Variants in THOC1 observed in about 807,000 individuals in gnomAD.
THOC1 encodes THO complex subunit 1.
THOC1 carries 29 observed loss-of-function variants against 97.3 expected under a neutral mutation model. That is an observed-to-expected ratio of 0.30 (90% CI 0.22 to 0.41). The LOEUF (loss-of-function observed/expected upper bound fraction) is 0.41. Ranked by LOEUF, THOC1 falls within the 10% of genes least tolerant of loss-of-function variation. The pLI, the probability that THOC1 is intolerant of heterozygous loss-of-function variation, is 1.00. For synonymous variants in THOC1, 255 were observed against 257.0 expected, an observed-to-expected ratio of 0.99 and a Z score of 0.07; for missense variants, 529 against 761.9, an observed-to-expected ratio of 0.69 and a Z score of 3.60.
chr18:259,364 A>T (rs1167095304), intron 6 of THOC1, 89 bp from the exon 7 acceptor site: 1 of 1,113,876 alleles, frequency 9.0e-7, no homozygotes, highest in Non-Finnish European at 1.3e-6. Context: ...CCAGTGTGTC[A>T]AGAGTATTTT....
intron 4 of THOC1, among the ~76,000 whole-genome samples, chr18:262,414 T>C (rs957439884): frequency 1.3e-5 from 2 of 152,230 alleles, no homozygotes; most frequent in Non-Finnish European, 2.9e-5. Flanking sequence ...TAACCAATTA[T>C]AGTCTGTCTC....
chr18:216,386 GT>G (rs1455882104), intron 19 of THOC1, 99 bp downstream of exon 19: 2 of 1,326,474 alleles, frequency 1.5e-6, no homozygotes, highest in African/African-American at 2.9e-5. Flanking sequence ...TGGATCACTG[GT>G]TTTTCACATG....
intron 11 of THOC1, among the ~76,000 whole-genome samples, chr18:235,526 A>T (rs963612522): frequency 6.6e-6 from 1 of 152,110 alleles, no homozygotes; most frequent in South Asian, 2.1e-4. Context: ...CTGACATGTA[A>T]TTCTTCCTAT....
Position 252,611 on chromosome 18 carries a change from T to C in THOC1, c.605A>G (p.His202Arg), listed in dbSNP as rs1475519476. 2 of 1,605,038 alleles carry C rather than the reference T, an allele frequency of 1.2e-6. No individual in the cohort carries two copies. The highest frequency in any genetic ancestry group is 2.7e-5 in the African/African-American group (2 of 74,194). The change falls in exon 9 of 21, where the codon CAC becomes CGC. Residue 202 changes from histidine (H) to arginine (R), a missense_variant and splice_region_variant. His to Arg is a conservative substitution (Grantham distance 29). This residue lies in a region of THOC1 where 92 missense variants were observed against 127.0 expected (regional missense o/e 0.72). Transcript: ENST00000261600. Reference protein sequence around the residue: ...NEQESTLGQKHTEDREEGMDV... With the variant: ...NEQESTLGQKRTEDREEGMDV... ...CATTCCTTCTTCTCTATCTTCAGTGTGCTAAATTGAAAAAAAAATGTATAG... is the reference window on the plus strand; with the variant it reads ...CATTCCTTCTTCTCTATCTTCAGTGCGCTAAATTGAAAAAAAAATGTATAG...
intron 11 of THOC1, among the ~76,000 whole-genome samples, chr18:241,750 T>C (rs1483024386): frequency 5.3e-5 from 8 of 152,218 alleles, no homozygotes; most frequent in Admixed American, 4.6e-4. Context: ...CATTTTGAAA[T>C]GTTGTTCTGC....
Position 266,177 on chromosome 18 carries a change from T to C in THOC1, c.55-647A>G, listed in dbSNP as rs189379949. On this transcript the variant is annotated intron_variant, in intron 1 of 20. Transcript: ENST00000261600. The stretch of plus-strand genomic sequence containing the variant: ...AATCATAACTTAAAGACAAAAATAT[T>C]GCAAAAGGCATTCATTCTATGAACA... Among the ~76,000 whole-genome samples the C allele has an allele frequency of 2.5e-3, 378 of 152,332 alleles. 4 individuals are homozygous for C. Among genetic ancestry groups the C allele is most frequent in the African/African-American group, 8.3e-3 (345 of 41,570 alleles).
chr18:265,711 ATCAC>A, intron 1 of THOC1, among the ~76,000 whole-genome samples, 181 bp from the exon 2 acceptor site: 1 of 152,202 alleles, frequency 6.6e-6, no homozygotes, highest in East Asian at 1.9e-4. Flanking sequence ...ACGGATCCTC[ATCAC>A]TTTAAATCTG....
chr18:224,798 A>G (rs1231159522), intron 15 of THOC1, 126 bp downstream of exon 15: 8 of 785,310 alleles, frequency 1.0e-5, no homozygotes, highest in Non-Finnish European at 1.6e-5. Flanking sequence ...TTCAACTTAC[A>G]TTTTTTATGT....
chr18:216,397 G>C, intron 19 of THOC1, 89 bp downstream of exon 19: 1 of 1,420,976 alleles, frequency 7.0e-7, no homozygotes, highest in Non-Finnish European at 9.6e-7. Context: ...TTTTTCACAT[G>C]ATTAAGTCAG....
chr18:215,048 T>G (rs2143126558), intron 20 of THOC1, 127 bp from the exon 21 acceptor site: 1 of 838,126 alleles, frequency 1.2e-6, no homozygotes, highest in East Asian at 2.6e-5. Flanking sequence ...ACAATTATTT[T>G]TTATATTCTC....
At position 233,547 on chromosome 18, in the gene THOC1, C is replaced by T. The variant is rs144018949; in HGVS notation, c.919-6646G>A. On this transcript the variant is annotated intron_variant, in intron 11 of 20. Transcript: ENST00000261600. ...GCTGCGATGAGCCAAGATCGCGCCA[C>T]TGCACTCGCCTGGGCAACAAGAGTG... Among the ~76,000 whole-genome samples the T allele has an allele frequency of 3.6e-3, 543 of 152,346 alleles. 1 individual carries two copies. The highest frequency in any genetic ancestry group is 0.012 in the African/African-American group (506 of 41,578).
Position 224,992 on chromosome 18 carries a change from A to G in THOC1, c.1140T>C (p.His380=), listed in dbSNP as rs1394478981. 1.3e-6 allele frequency: 2 copies of G among 1,570,798 alleles called. No individual in the cohort carries two copies. The highest frequency in any genetic ancestry group is 1.9e-5 in the Admixed American group (1 of 53,186). Residue 380 remains histidine (H), a splice_region_variant and synonymous_variant, in exon 15 of 21, where the codon CAT becomes CAC. Transcript: ENST00000261600. ...DGERFSKMVE[H]ILNTEENWNS... is the part of the protein sequence containing the mutation. ...TCCAGTTTTCTTCAGTGTTTAATAT[A>G]TGCTGGGAAAAACAAAGCGATTACA...
In THOC1 at chr18:218,226, G is replaced by C. The variant is rs141234921; in HGVS notation, c.1454+660C>G. Among the ~76,000 whole-genome samples, 427 of 152,286 alleles carry C rather than the reference G, an allele frequency of 2.8e-3. 1 individual carries two copies. The highest frequency in any genetic ancestry group is 5.0e-3 in the Non-Finnish European group (342 of 68,022). On this transcript the variant is annotated intron_variant, in intron 18 of 20. Coordinates refer to ENST00000261600, the MANE Select transcript of THOC1 (RefSeq NM_005131.3). ...TTACTATTTAACAGATGAGGAAAGG[G>C]AACTGGCGGTTTAATAATTAAATTA...
chr18:223,258 C>A (rs991045952), intron 17 of THOC1, among the ~76,000 whole-genome samples, 182 bp downstream of exon 17: 21 of 152,060 alleles, frequency 1.4e-4, no homozygotes, highest in African/African-American at 5.1e-4. Flanking sequence ...TTTGTGATTT[C>A]TAAAATTATT....
intron 11 of THOC1, among the ~76,000 whole-genome samples, chr18:237,413 T>G (rs1414964849): frequency 6.6e-6 from 1 of 152,114 alleles, no homozygotes; most frequent in East Asian, 1.9e-4. Flanking sequence ...CACCTTGACC[T>G]CTCAAAGTGC....
chr18:218,972 G>A lies in THOC1; in HGVS notation c.1371-3C>T, dbSNP rs1483396505. 3 of 1,594,440 alleles carry A rather than the reference G, an allele frequency of 1.9e-6. No homozygotes were observed. Among genetic ancestry groups the A allele is most frequent in the Admixed American group, 1.7e-5 (1 of 57,642 alleles). On this transcript the variant is annotated splice_region_variant and splice_polypyrimidine_tract_variant and intron_variant, in intron 17 of 20. Transcript: ENST00000261600. Reference sequence around the variant, plus strand: ...CCTCCAAAGTGGGCATGTGTTCCCTGAGCGGTACAAAAATAACCAGTGAGG... The same window carrying A: ...CCTCCAAAGTGGGCATGTGTTCCCTAAGCGGTACAAAAATAACCAGTGAGG...
chr18:264,172 G>A, intron 3 of THOC1, 80 bp from the exon 4 acceptor site: 2 of 863,568 alleles, frequency 2.3e-6, no homozygotes, highest in South Asian at 3.5e-5. Context: ...CATGTACTCT[G>A]ATATTAAATT....
chr18:258,291 T>A (rs1403160730), intron 7 of THOC1, among the ~76,000 whole-genome samples: 1 of 151,746 alleles, frequency 6.6e-6, no homozygotes, highest in Admixed American at 6.6e-5. Flanking sequence ...TAACAGGAGT[T>A]TGGAAGAAAG....
chr18:249,651 G>C (rs1912215197), intron 9 of THOC1, among the ~76,000 whole-genome samples: 1 of 143,586 alleles, frequency 7.0e-6, no homozygotes, highest in African/African-American at 2.6e-5. Flanking sequence ...GACAGAGCGA[G>C]ACTCCGTCTC....
Sources: allele counts gnomAD v4.1 joint callset (sites outside exome capture counted in the v4.1 genomes callset), GRCh38; gene constraint gnomAD v4.1.1; regional missense constraint gnomAD v4.1.1; transcripts MANE v1.5; gene names NCBI Gene and HGNC (gene_info 2026-07-23, HGNC 2026-07-21).